The following CCSER1 variants were observed in gnomAD, a reference collection of about 807,000 sequenced individuals.
CCSER1 encodes the protein serine-rich coiled-coil domain-containing protein 1.
Under a neutral mutation model 82.0 loss-of-function variants are expected in CCSER1, and 41 were observed. That is an observed-to-expected ratio of 0.50 (90% confidence interval 0.39 to 0.65). The LOEUF (loss-of-function observed/expected upper bound fraction) is 0.65, where lower values mean the gene tolerates loss of function less well. Among genes scored for constraint, CCSER1 ranks in the 30% least tolerant of loss-of-function variants. The pLI, the probability that CCSER1 is intolerant of heterozygous loss-of-function variation, is 0.00. For synonymous variants in CCSER1, 414 were observed against 383.9 expected (o/e 1.08, Z -0.92); for missense variants, 1,119 against 1,064.2 (o/e 1.05, Z -0.72).
chr4:90,755,958 G>A lies in CCSER1; in HGVS notation c.2010+31967G>A, dbSNP rs142897295. 2.1e-3 allele frequency among the ~76,000 whole-genome samples: 314 copies of A among 152,226 alleles called. 4 individuals carry two copies. The highest frequency in any genetic ancestry group is 7.2e-3 in the African/African-American group (297 of 41,534). ...ATGCATAAGAAGGCCAGCCACAGTCGCTCAGGCCTGTAATCCCAGCACTTT... is the reference window on the plus strand; with the variant it reads ...ATGCATAAGAAGGCCAGCCACAGTCACTCAGGCCTGTAATCCCAGCACTTT... On this transcript the variant is annotated intron_variant, in intron 7 of 10. Transcript: ENST00000509176.
intron 10 of CCSER1, among the ~76,000 whole-genome samples, chr4:91,096,554 T>G (rs1392918130): frequency 6.6e-6 from 1 of 152,176 alleles, no homozygotes; most frequent in Non-Finnish European, 1.5e-5. Flanking sequence ...GCCAGTTACT[T>G]TATGCCATAC....
intron 5 of CCSER1, among the ~76,000 whole-genome samples, chr4:90,562,528 ATTTTATT>A (rs898640690): frequency 1.3e-5 from 2 of 152,058 alleles, no homozygotes; most frequent in Admixed American, 1.3e-4. Context: ...ACACAGATAC[ATTTTATT>A]TTTTATTTAT....
chr4:91,422,144 T>G (rs925842162), intron 10 of CCSER1, among the ~76,000 whole-genome samples: 1 of 152,278 alleles, frequency 6.6e-6, no homozygotes, highest in Admixed American at 6.5e-5. Flanking sequence ...GATGGACTCC[T>G]GACATTCAGA....
intron 4 of CCSER1, among the ~76,000 whole-genome samples, chr4:90,464,448 A>G (rs1763354662): frequency 1.3e-5 from 2 of 152,200 alleles, no homozygotes; most frequent in African/African-American, 4.8e-5. Flanking sequence ...TCTACTAGGT[A>G]CAGTTCCAGT....
chr4:90,887,057 G>A (rs544976042), intron 8 of CCSER1, among the ~76,000 whole-genome samples: 1 of 152,244 alleles, frequency 6.6e-6, no homozygotes, highest in South Asian at 2.1e-4. Context: ...CTTCCTTAAT[G>A]ATGAAGTATA....
At chr4:91,055,815 T>C (rs987945769) in intron 9 of CCSER1, among the ~76,000 whole-genome samples, 21 of 122,684 alleles carry the variant, frequency 1.7e-4, no homozygotes, top group Admixed American at 1.0e-4. Context: ...TTTTTGGAAC[T>C]CCTCAGTGCA....
intron 1 of CCSER1, among the ~76,000 whole-genome samples, chr4:90,208,555 A>C (rs1185355029): frequency 1.3e-5 from 2 of 151,778 alleles, no homozygotes; most frequent in Admixed American, 1.3e-4. Context: ...GGGGTATGAA[A>C]AAAAACTCCT....
At chr4:91,115,304 A>G (rs915791252) in intron 10 of CCSER1, among the ~76,000 whole-genome samples, 4 of 152,148 alleles carry the variant, frequency 2.6e-5, no homozygotes, top group African/African-American at 9.7e-5. Flanking sequence ...TCTTATCAGA[A>G]AAGAACATCA....
At position 91,469,737 on chromosome 4, in the gene CCSER1, G is replaced by A. The variant is rs1409635843; in HGVS notation, c.2218-128835G>A. On this transcript the variant is annotated intron_variant, in intron 10 of 10. Coordinates refer to ENST00000509176, the MANE Select transcript of CCSER1 (RefSeq NM_001145065.2). ...ATATTGTTTAAACAATTCTACATTG[G>A]ATCTATGATACTTATTAATAAGTGT... Among the ~76,000 whole-genome samples the A allele has an allele frequency of 3.3e-5, 5 of 152,104 alleles. No homozygotes were observed. In the South Asian group the frequency reaches 6.2e-4, roughly 19 times the overall value.
intron 7 of CCSER1, among the ~76,000 whole-genome samples, chr4:90,726,498 T>A (rs1256489994): frequency 1.3e-5 from 2 of 152,078 alleles, no homozygotes; most frequent in African/African-American, 4.8e-5. Context: ...ACTTTAGAGA[T>A]ACATGAATTT....
intron 7 of CCSER1, among the ~76,000 whole-genome samples, chr4:90,790,556 T>C (rs76474506): frequency 2.8e-5 from 4 of 143,216 alleles, no homozygotes; most frequent in South Asian, 2.2e-4. Flanking sequence ...ACATTTTTTT[T>C]CCCCCCAGAA....
intron 5 of CCSER1, among the ~76,000 whole-genome samples, chr4:90,587,410 G>A (rs1425575923): frequency 6.6e-6 from 1 of 152,190 alleles, no homozygotes; most frequent in Non-Finnish European, 1.5e-5. Context: ...AAGAGATCGA[G>A]TCCAATCAGG....
At chr4:90,833,101 A>T (rs536853649) in intron 8 of CCSER1, among the ~76,000 whole-genome samples, 29 of 152,274 alleles carry the variant, frequency 1.9e-4, no homozygotes, top group Admixed American at 3.9e-4. Flanking sequence ...AATAATAGAA[A>T]TTTAATTCTC....
At chr4:91,206,621 A>C (rs917780167) in intron 10 of CCSER1, among the ~76,000 whole-genome samples, 2 of 151,868 alleles carry the variant, frequency 1.3e-5, no homozygotes, top group Admixed American at 6.6e-5. Flanking sequence ...GGGGATTAGC[A>C]GGTAACTTTG....
chr4:91,408,805 T>C (rs564773429), intron 10 of CCSER1, among the ~76,000 whole-genome samples: 5 of 152,344 alleles, frequency 3.3e-5, no homozygotes, highest in African/African-American at 1.2e-4. Flanking sequence ...GCTGTGAAGG[T>C]AGCAGACATA....
At chr4:90,512,107 A>C (rs776369310) in intron 5 of CCSER1, among the ~76,000 whole-genome samples, 2 of 152,150 alleles carry the variant, frequency 1.3e-5, no homozygotes, top group Non-Finnish European at 2.9e-5. Context: ...ATGTGGTCAC[A>C]GATCATTTTT....
chr4:90,400,142 G>C lies in CCSER1; in HGVS notation c.1603+13G>C. On this transcript the variant is annotated intron_variant, in intron 4 of 10. Transcript: ENST00000509176. ...CTTCACCCTTCTGGTAAGTGTTAAA[G>C]AGATGAATAATATCATACAACTCCT... The C allele has an allele frequency of 6.9e-7, 1 of 1,439,858 alleles. No individual in the cohort carries two copies. Among genetic ancestry groups the C allele is most frequent in the Non-Finnish European group, 9.8e-7 (1 of 1,025,218 alleles). The allele number at this position is 1,439,858 out of a possible 1,614,324, so 89.2% of individuals were successfully genotyped here. A position where few individuals can be genotyped will look rare whatever the true frequency, so the allele number is the denominator to read the frequency against.
chr4:91,016,413 A>G (rs1055709841), intron 9 of CCSER1, among the ~76,000 whole-genome samples: 11 of 152,016 alleles, frequency 7.2e-5, no homozygotes, highest in African/African-American at 2.4e-4. Context: ...TAAATATGCT[A>G]CAGACTTCAG....
At chr4:90,143,491 TACACACACAC>T (rs56859054) in intron 1 of CCSER1, among the ~76,000 whole-genome samples, 16 of 141,406 alleles carry the variant, frequency 1.1e-4, no homozygotes, top group East Asian at 1.0e-3. Context: ...AGTACACACA[TACACACACAC>T]ACACACACAC....
Sources: allele counts gnomAD v4.1 joint callset (sites outside exome capture counted in the v4.1 genomes callset), GRCh38; gene constraint gnomAD v4.1.1; transcripts MANE v1.5; gene names NCBI Gene and HGNC (gene_info 2026-07-23, HGNC 2026-07-21).